Variants in LRMDA observed in about 807,000 individuals in gnomAD.
The protein encoded by LRMDA is leucine rich melanocyte differentiation associated, also known as leucine-rich melanocyte differentiation-associated protein.
LRMDA carries 18 observed loss-of-function variants against 29.8 expected under a neutral mutation model. The observed-to-expected ratio is 0.60, with a 90% CI of 0.42 to 0.90. The LOEUF is 0.90. Ranked by LOEUF, LRMDA falls within the 40% of genes least tolerant of loss-of-function variation. The pLI, the probability that LRMDA is intolerant of heterozygous loss-of-function variation, is 0.00. For missense variants in LRMDA, 273 were observed against 273.9 expected, an observed-to-expected ratio of 1.00 and a Z score of 0.02; for synonymous variants, 125 against 109.4, an observed-to-expected ratio of 1.14 and a Z score of -0.89.
intron 2 of LRMDA, among the ~76,000 whole-genome samples, chr10:75,527,280 AC>A (rs1351036797): frequency 6.6e-6 from 1 of 152,180 alleles, no homozygotes; most frequent in African/African-American, 2.4e-5. Context: ...TATACATTTA[AC>A]AGATAATGGA....
chr10:75,804,530 T>G (rs544072057), intron 2 of LRMDA, among the ~76,000 whole-genome samples: 1 of 152,296 alleles, frequency 6.6e-6, no homozygotes, highest in South Asian at 2.1e-4. Context: ...CAGTGAAGAA[T>G]CTCTCTTGGC....
intron 5 of LRMDA, among the ~76,000 whole-genome samples, chr10:76,146,122 A>G (rs949674606): frequency 6.6e-5 from 10 of 152,040 alleles, no homozygotes; most frequent in Non-Finnish European, 5.9e-5. Flanking sequence ...TATGTGGTCA[A>G]TTTTGGAGTA....
At chr10:75,795,724 C>T (rs1312673076) in intron 2 of LRMDA, among the ~76,000 whole-genome samples, 1 of 152,108 alleles carries the variant, frequency 6.6e-6, no homozygotes, top group African/African-American at 2.4e-5. Flanking sequence ...CTTTGGGTTT[C>T]CATATAAACT....
intron 2 of LRMDA, among the ~76,000 whole-genome samples, chr10:75,692,470 TACAC>T (rs1257056391): frequency 2.7e-5 from 4 of 150,334 alleles, no homozygotes; most frequent in Non-Finnish European, 5.9e-5. Context: ...TATACACACA[TACAC>T]ATACACACGT....
chr10:75,723,361 C>A (rs956899678), intron 2 of LRMDA, among the ~76,000 whole-genome samples: 3 of 152,232 alleles, frequency 2.0e-5, no homozygotes, highest in African/African-American at 7.2e-5. Context: ...AAGTAGACAA[C>A]TGCATGGTAA....
chr10:75,902,345 T>C (rs1280609176), intron 2 of LRMDA, among the ~76,000 whole-genome samples: 4 of 152,074 alleles, frequency 2.6e-5, no homozygotes, highest in Non-Finnish European at 5.9e-5. Context: ...AGGCTCCAGG[T>C]TGGAAATGCC....
At chr10:75,785,723 G>A (rs1480521081) in intron 2 of LRMDA, among the ~76,000 whole-genome samples, 1 of 152,166 alleles carries the variant, frequency 6.6e-6, no homozygotes, top group African/African-American at 2.4e-5. Flanking sequence ...CCCCACTAAT[G>A]TTTCATTTAT....
intron 2 of LRMDA, among the ~76,000 whole-genome samples, chr10:75,486,937 A>G (rs1844922655): frequency 6.6e-6 from 1 of 152,242 alleles, no homozygotes; most frequent in African/African-American, 2.4e-5. Flanking sequence ...GAGAGCTGAA[A>G]TTGGCACGCA....
intron 2 of LRMDA, among the ~76,000 whole-genome samples, chr10:75,591,707 C>G (rs1473568898): frequency 2.6e-5 from 4 of 152,252 alleles, no homozygotes; most frequent in Non-Finnish European, 5.9e-5. Flanking sequence ...TGACAGAGGT[C>G]TCTGATTTGT....
chr10:75,490,330 TACACATACACAC>T (rs1844969902), intron 2 of LRMDA, among the ~76,000 whole-genome samples: 2 of 77,498 alleles, frequency 2.6e-5, no homozygotes, highest in African/African-American at 1.2e-4. Context: ...ATATGACATG[TACACATACACAC>T]ACACACACAC....
chr10:76,478,047 G>A (rs535821675), intron 6 of LRMDA, among the ~76,000 whole-genome samples: 2 of 152,014 alleles, frequency 1.3e-5, no homozygotes, highest in Admixed American at 1.3e-4. Context: ...CCAAAATTGA[G>A]AAATGGGATC....
chr10:75,650,772 A>G (rs1841588798), intron 2 of LRMDA, among the ~76,000 whole-genome samples: 1 of 152,172 alleles, frequency 6.6e-6, no homozygotes, highest in African/African-American at 2.4e-5. Context: ...TGTGAGGGCC[A>G]CCATCTTCCT....
intron 6 of LRMDA, among the ~76,000 whole-genome samples, chr10:76,431,897 G>A (rs112064885): frequency 6.6e-6 from 1 of 152,154 alleles, no homozygotes; most frequent in Non-Finnish European, 1.5e-5. Flanking sequence ...CCCTGTACAA[G>A]CTCCCTTCTC....
chr10:75,775,980 C>A (rs925576877), intron 2 of LRMDA, among the ~76,000 whole-genome samples: 4 of 152,180 alleles, frequency 2.6e-5, no homozygotes, highest in Admixed American at 2.6e-4. Flanking sequence ...GCTATGAATA[C>A]CCAGCTTGAG....
intron 4 of LRMDA, 100 bp downstream of exon 4, chr10:76,047,403 A>G: frequency 8.3e-7 from 1 of 1,203,082 alleles, no homozygotes; most frequent in Non-Finnish European, 1.1e-6. Flanking sequence ...TTTGGTACAT[A>G]TCAGTGGGTT....
chr10:75,709,939 A>G (rs1475135676), intron 2 of LRMDA, among the ~76,000 whole-genome samples: 1 of 152,200 alleles, frequency 6.6e-6, no homozygotes, highest in Non-Finnish European at 1.5e-5. Context: ...ATCACATTGT[A>G]CAGGCCTGTT....
chr10:76,515,930 A>C (rs1470246935), intron 6 of LRMDA, among the ~76,000 whole-genome samples: 2 of 152,232 alleles, frequency 1.3e-5, no homozygotes, highest in Non-Finnish European at 2.9e-5. Flanking sequence ...CTGAAATCAG[A>C]GAAAGAAGTA....
At chr10:75,488,842 C>T (rs1844948301) in intron 2 of LRMDA, among the ~76,000 whole-genome samples, 1 of 152,160 alleles carries the variant, frequency 6.6e-6, no homozygotes, top group African/African-American at 2.4e-5. Flanking sequence ...TACTGCCTTC[C>T]TGTTCCCCAG....
chr10:75,812,547 C>T (rs988303253), intron 2 of LRMDA, among the ~76,000 whole-genome samples: 1 of 152,160 alleles, frequency 6.6e-6, no homozygotes, highest in African/African-American at 2.4e-5. Flanking sequence ...TGGGGCAATT[C>T]TGAACGTGGT....
Sources: gnomAD v4.1 joint callset for allele counts (sites outside exome capture counted in the v4.1 genomes callset) on GRCh38, gnomAD v4.1.1 for gene constraint, MANE v1.5 for transcripts, NCBI Gene and HGNC (gene_info 2026-07-23, HGNC 2026-07-21) for gene names.